ST6GALNAC4: variants seen among roughly 807,000 people sequenced by gnomAD.
ST6GALNAC4 encodes alpha-N-acetyl-neuraminyl-2,3-beta-galactosyl-1,3-N-acetyl-galactosaminide alpha-2,6-sialyltransferase.
In ST6GALNAC4, 24 loss-of-function variants were observed where a neutral mutation model predicts 30.4. The observed-to-expected ratio is 0.79, with a 90% CI of 0.57 to 1.11. The LOEUF (loss-of-function observed/expected upper bound fraction) is 1.11. Ranked by LOEUF, ST6GALNAC4 falls within the 50% of genes most tolerant of loss-of-function variation. ST6GALNAC4 has a pLI of 0.00. For synonymous variants in ST6GALNAC4, 156 were observed against 179.7 expected (o/e 0.87, Z 1.05); for missense variants, 365 against 430.1 (o/e 0.85, Z 1.34).
chr9:127,916,135 A>G (rs1227784696), intron 2 of ST6GALNAC4: 1 of 559,434 alleles, frequency 1.8e-6, no homozygotes, highest in East Asian at 2.9e-5. Context: ...GAACTTCACA[A>G]CCCCAGTTCC....
At chr9:127,911,345 A>G (rs547025210) in intron 4 of ST6GALNAC4, among the ~76,000 whole-genome samples, 1 of 152,336 alleles carries the variant, frequency 6.6e-6, no homozygotes, top group African/African-American at 2.4e-5. Flanking sequence ...TCCTGAGCAC[A>G]GAGGCCAGTG....
Position 127,916,286 on chromosome 9 carries a change from C to T in ST6GALNAC4, c.12+122G>A, listed in dbSNP as rs751893674. The T allele has an allele frequency of 1.4e-5, 20 of 1,380,586 alleles. 1 individual carries two copies. The highest frequency in any genetic ancestry group is 1.9e-5 in the Non-Finnish European group (19 of 977,898). 85.5% of individuals were successfully genotyped at this position (1,380,586 alleles called of 1,614,324 possible). ...GGTTGGACTTTGAGGCCATTCTGCC[C>T]TTCTCTGCTCAGCAGTAGGGAGGTC... On this transcript the variant is annotated intron_variant, in intron 2 of 5. Transcript: ENST00000335791.
At chr9:127,914,625 C>G (rs758970503) in intron 3 of ST6GALNAC4, 31 bp downstream of exon 3, 3 of 1,564,998 alleles carry the variant, frequency 1.9e-6, no homozygotes, top group Non-Finnish European at 2.6e-6. Context: ...CTCTCACTAC[C>G]CACCCCGGAT....
At position 127,914,837 on chromosome 9, in the gene ST6GALNAC4, C is replaced by T. The variant is rs774161879; in HGVS notation, c.17G>A (p.Arg6Gln). The part of the protein sequence containing the change: MKAPG[R>Q]LVLIILCSVV... ...GGAGCACAGGATGATGAGCACGAGC[C>T]GACCCTGAGGGAGACAGTGGCCATG... The change falls in exon 3 of 6, where the codon CGG (arginine) becomes CAG (glutamine). Residue 6 changes from arginine to glutamine, a missense_variant. Arg to Gln is a conservative substitution (Grantham distance 43). Coordinates refer to ENST00000335791, the MANE Select transcript of ST6GALNAC4 (RefSeq NM_175039.4). 23 of 1,496,262 alleles carry T rather than the reference C, an allele frequency of 1.5e-5. No homozygotes were observed. The highest frequency in any genetic ancestry group is 2.1e-4 in the Middle Eastern group (1 of 4,670). The allele number at this position is 1,496,262 out of a possible 1,614,324, so 92.7% of individuals were successfully genotyped here. A position where few individuals can be genotyped will look rare whatever the true frequency, so the allele number is the denominator to read the frequency against.
rs1831066498 is a variant in ST6GALNAC4, at chr9:127,911,201, A to C, written c.611+1067T>G. On this transcript the variant is annotated intron_variant, in intron 4 of 5. Transcript: ENST00000335791. ...CAGGATCACGCAGGGCAGGCAGGCC[A>C]GGAGTGGTGGGGGCGGGAAGCCTAA... Among the ~76,000 whole-genome samples the C allele has an allele frequency of 2.0e-5, 3 of 152,156 alleles. No individual in the cohort carries two copies. The South Asian group carries it at 6.2e-4, about 31-fold the overall frequency.
In ST6GALNAC4 at chr9:127,912,478, C is replaced by T. The variant is rs751332114; in HGVS notation, c.401G>A (p.Arg134His). The change falls in exon 4 of 6, where the codon CGC becomes CAC. Residue 134 changes from arginine to histidine, a missense_variant. Coordinates refer to ENST00000335791, the MANE Select transcript of ST6GALNAC4 (RefSeq NM_175039.4). ...CTTCTGGAAGTAGTGTGAATAGTTG[C>T]GCAGCAGCAGCGGCACGCTTGTGTG... ...VSHTSVPLLL[R>H]NYSHYFQKAR... 2.8e-5 allele frequency: 45 copies of T among 1,613,688 alleles called. No homozygotes were observed. Among genetic ancestry groups the T allele is most frequent in the South Asian group, 1.3e-4 (12 of 91,062 alleles).
At chr9:127,914,974 C>G (rs1321096031) in intron 2 of ST6GALNAC4, 133 bp from the exon 3 acceptor site, 3 of 792,134 alleles carry the variant, frequency 3.8e-6, no homozygotes, top group Non-Finnish European at 5.5e-6. Context: ...GCAGCAGAAT[C>G]CAGTCTCCAT....
chr9:127,913,038 A>AT (rs1191234968), intron 3 of ST6GALNAC4, among the ~76,000 whole-genome samples: 1 of 152,250 alleles, frequency 6.6e-6, no homozygotes, highest in Admixed American at 6.5e-5. Context: ...TGGAGGTCAT[A>AT]TAAGTATTTG....
chr9:127,911,451 A>G (rs1270656045), intron 4 of ST6GALNAC4, among the ~76,000 whole-genome samples: 9 of 152,156 alleles, frequency 5.9e-5, no homozygotes, highest in Admixed American at 5.9e-4. Flanking sequence ...GCTTCACCCA[A>G]TGCCTGGTGA....
At chr9:127,910,186 G>A (rs146737661) in intron 4 of ST6GALNAC4, 128 bp from the exon 5 acceptor site, 4 of 1,454,084 alleles carry the variant, frequency 2.8e-6, no homozygotes, top group African/African-American at 1.4e-5. Flanking sequence ...GGGGCTCTGG[G>A]GGAGGCTGGG....
Position 127,908,341 on chromosome 9 carries a change from G to A in ST6GALNAC4, c.*51C>T, listed in dbSNP as rs1164174658. 2 of 1,460,258 alleles carry A rather than the reference G, an allele frequency of 1.4e-6. No individual in the cohort carries two copies. The highest frequency in any genetic ancestry group is 9.2e-7 in the Non-Finnish European group (1 of 1,088,894). 90.5% of individuals were successfully genotyped at this position (1,460,258 alleles called of 1,614,324 possible). A position where few individuals can be genotyped will look rare whatever the true frequency, so the allele number is the denominator to read the frequency against. Reference sequence around the variant, plus strand: ...TTGTGGAGTGTGATGGCTTGGGATGGGACATCCCGGAGGCCTCGCAACGGC... The same window carrying A: ...TTGTGGAGTGTGATGGCTTGGGATGAGACATCCCGGAGGCCTCGCAACGGC... On this transcript the variant is annotated 3_prime_UTR_variant, in exon 6 of 6. Coordinates refer to ENST00000335791, the MANE Select transcript of ST6GALNAC4 (RefSeq NM_175039.4).
intron 4 of ST6GALNAC4, among the ~76,000 whole-genome samples, chr9:127,910,805 G>A (rs963674697): frequency 1.3e-5 from 2 of 152,220 alleles, no homozygotes; most frequent in African/African-American, 4.8e-5. Flanking sequence ...ACATTCCACG[G>A]AAGCACCAGA....
At chr9:127,909,809 G>A (rs796694042) in intron 5 of ST6GALNAC4, 142 bp downstream of exon 5, 84 of 777,642 alleles carry the variant, frequency 1.1e-4, no homozygotes, top group African/African-American at 8.2e-4. Flanking sequence ...GGCCCAGAGC[G>A]CAAGGGGTAT....
rs575109800 is a variant in ST6GALNAC4, at chr9:127,912,724, G to A, written c.199-44C>T. The A allele has an allele frequency of 7.5e-5, 112 of 1,501,000 alleles. No individual in the cohort carries two copies. In the South Asian group the frequency reaches 9.3e-4, roughly 12 times the overall value. 93.0% of individuals were successfully genotyped at this position (1,501,000 alleles called of 1,614,324 possible). A position where few individuals can be genotyped will look rare whatever the true frequency, so the allele number is the denominator to read the frequency against. On this transcript the variant is annotated intron_variant, in intron 3 of 5. Transcript: ENST00000335791. ...GAAAGAGACAGAGAGGCATGAACAC[G>A]CAGCTTACACCCCCTGCAGCTCCCC...
At chr9:127,916,521 G>C in intron 1 of ST6GALNAC4, 27 bp from the exon 2 acceptor site, 2 of 1,449,916 alleles carry the variant, frequency 1.4e-6, no homozygotes, top group East Asian at 2.3e-5. Flanking sequence ...ACTCAGAGCC[G>C]GGAGGGGTAA....
chr9:127,912,866 C>T (rs1564503310), intron 3 of ST6GALNAC4, among the ~76,000 whole-genome samples, 186 bp from the exon 4 acceptor site: 1 of 152,216 alleles, frequency 6.6e-6, no homozygotes, highest in Non-Finnish European at 1.5e-5. Flanking sequence ...TACCCAGTGT[C>T]AGAGCTAAGG....
chr9:127,912,135 G>A (rs1316222065), intron 4 of ST6GALNAC4, 133 bp downstream of exon 4: 5 of 1,145,374 alleles, frequency 4.4e-6, no homozygotes, highest in East Asian at 5.1e-5. Context: ...CCCATTAGAG[G>A]GCAGGACCAT....
intron 3 of ST6GALNAC4, 80 bp downstream of exon 3, chr9:127,914,576 G>C (rs1306442469): frequency 1.5e-6 from 2 of 1,309,140 alleles, no homozygotes; most frequent in Non-Finnish European, 2.0e-6. Flanking sequence ...CTGGTGAGTA[G>C]AGGGGCCAAG....
Position 127,908,502 on chromosome 9 carries a change from C to G in ST6GALNAC4, c.799G>C (p.Glu267Gln), listed in dbSNP as rs199879317. The change falls in exon 6 of 6, where the codon GAG (glutamate) becomes CAG (glutamine). Residue 267 changes from glutamate to glutamine, a missense_variant. Transcript: ENST00000335791. Reference sequence around the variant, plus strand: ...CGGTGGGCGCTTCGGGGCGCCTGCTCGTGTGCCAGGTACATCTGACACTCA... The same window carrying G: ...CGGTGGGCGCTTCGGGGCGCCTGCTGGTGTGCCAGGTACATCTGACACTCA... ...LDECQMYLAH[E>Q]QAPRSAHRFI... 3.1e-6 allele frequency: 5 copies of G among 1,610,162 alleles called. No individual in the cohort carries two copies. Among genetic ancestry groups the G allele is most frequent in the Non-Finnish European group, 4.2e-6 (5 of 1,177,130 alleles).
Sources: gnomAD v4.1 joint callset for allele counts (sites outside exome capture counted in the v4.1 genomes callset) on GRCh38, gnomAD v4.1.1 for gene constraint, MANE v1.5 for transcripts, NCBI Gene and HGNC (gene_info 2026-07-23, HGNC 2026-07-21) for gene names.